The following STXBP6 variants were observed in gnomAD, a reference collection of about 807,000 sequenced individuals.
The protein encoded by STXBP6 is syntaxin binding protein 6.
STXBP6 carries 21 observed loss-of-function variants against 26.9 expected under a neutral mutation model. That is an observed-to-expected ratio of 0.78 (90% CI 0.55 to 1.12). STXBP6 has a LOEUF of 1.12. Ranked by LOEUF, STXBP6 falls within the 50% of genes most tolerant of loss-of-function variation. The pLI is 0.00. For synonymous variants in STXBP6, 97 were observed against 92.6 expected (o/e 1.05, Z -0.27); for missense variants, 232 against 257.9 (o/e 0.90, Z 0.69).
At chr14:25,008,111 C>T (rs950439368) in intron 1 of STXBP6, among the ~76,000 whole-genome samples, 4 of 152,178 alleles carry the variant, frequency 2.6e-5, no homozygotes, top group Non-Finnish European at 5.9e-5. Context: ...AACAAATTTG[C>T]CTGAGTCCCA....
chr14:25,048,683 G>C (rs1045876316), intron 1 of STXBP6, among the ~76,000 whole-genome samples: 3 of 152,160 alleles, frequency 2.0e-5, no homozygotes, highest in Non-Finnish European at 4.4e-5. Context: ...TTTCTGGACC[G>C]ATTCCCACTA....
At chr14:24,854,435 T>C (rs2139158143) in intron 4 of STXBP6, among the ~76,000 whole-genome samples, 1 of 152,184 alleles carries the variant, frequency 6.6e-6, no homozygotes, top group African/African-American at 2.4e-5. Flanking sequence ...ATCCATAATG[T>C]CACATTATTT....
chr14:24,952,770 CTT>C lies in STXBP6; in HGVS notation c.154+21893_154+21894del, dbSNP rs529707429. Among the ~76,000 whole-genome samples the C allele has an allele frequency of 2.9e-3, 440 of 152,278 alleles. 5 individuals are homozygous for C. Among genetic ancestry groups the C allele is most frequent in the African/African-American group, 0.01 (424 of 41,562 alleles). Reference sequence around the variant, plus strand: ...GGAAAAAAGGTACGTTGTTTTCCCTCTTGATTTATTTAATGCTGTCCATAAAT... The same window carrying C: ...GGAAAAAAGGTACGTTGTTTTCCCTCGATTTATTTAATGCTGTCCATAAAT... On this transcript the variant is annotated intron_variant, in intron 2 of 5. Coordinates refer to ENST00000323944, the MANE Select transcript of STXBP6 (RefSeq NM_001394410.1).
chr14:24,957,478 T>G (rs1339824724), intron 2 of STXBP6, among the ~76,000 whole-genome samples: 1 of 152,256 alleles, frequency 6.6e-6, no homozygotes, highest in East Asian at 1.9e-4. Context: ...GTTTGAGGAA[T>G]GTGCAAAGTC....
chr14:24,859,162 C>T (rs1442212384), intron 2 of STXBP6, among the ~76,000 whole-genome samples: 1 of 152,176 alleles, frequency 6.6e-6, no homozygotes, highest in African/African-American at 2.4e-5. Flanking sequence ...GGAACCCCAA[C>T]TATTATGACA....
At chr14:24,854,593 G>A (rs2069262569) in intron 4 of STXBP6, among the ~76,000 whole-genome samples, 1 of 152,064 alleles carries the variant, frequency 6.6e-6, no homozygotes, top group African/African-American at 2.4e-5. Context: ...AATGAAGAAT[G>A]AGGGAAACCT....
chr14:25,046,710 T>C (rs2075733528), intron 1 of STXBP6, among the ~76,000 whole-genome samples: 2 of 152,122 alleles, frequency 1.3e-5, no homozygotes, highest in African/African-American at 2.4e-5. Context: ...GCAGTCAAAA[T>C]TCAAGGCCAC....
chr14:24,914,607 G>T (rs559057258), intron 2 of STXBP6, among the ~76,000 whole-genome samples: 1 of 152,180 alleles, frequency 6.6e-6, no homozygotes, highest in East Asian at 1.9e-4. Context: ...GAATGCCAGG[G>T]CCGCAGCCCC....
chr14:24,903,232 T>TTTTG (rs565117535), intron 2 of STXBP6, among the ~76,000 whole-genome samples: 167 of 152,252 alleles, frequency 1.1e-3, no homozygotes, highest in African/African-American at 3.4e-3. Flanking sequence ...TTATTCTCTG[T>TTTTG]TTTGTTTGTT....
chr14:25,008,029 G>A (rs1468462469), intron 1 of STXBP6, among the ~76,000 whole-genome samples: 4 of 152,108 alleles, frequency 2.6e-5, no homozygotes, highest in Non-Finnish European at 5.9e-5. Flanking sequence ...TCCTGCAGAT[G>A]GCTCTGTCAG....
intron 2 of STXBP6, among the ~76,000 whole-genome samples, chr14:24,951,917 C>T (rs926359092): frequency 1.6e-4 from 24 of 151,740 alleles, no homozygotes; most frequent in Non-Finnish European, 3.1e-4. Context: ...TATAAATACA[C>T]ATCAGGCAAT....
At chr14:24,858,767 C>A (rs1314656594) in intron 2 of STXBP6, among the ~76,000 whole-genome samples, 4 of 151,982 alleles carry the variant, frequency 2.6e-5, no homozygotes, top group Non-Finnish European at 4.4e-5. Context: ...CCTGCTCTTA[C>A]GTTTTAATGT....
intron 1 of STXBP6, among the ~76,000 whole-genome samples, chr14:25,012,747 T>C (rs376693614): frequency 2.6e-5 from 4 of 152,276 alleles, no homozygotes; most frequent in South Asian, 2.1e-4. Flanking sequence ...GTTTTGACCT[T>C]ATGGACTCAC....
intron 2 of STXBP6, among the ~76,000 whole-genome samples, chr14:24,919,812 T>C (rs923912192): frequency 1.3e-5 from 2 of 151,940 alleles, no homozygotes; most frequent in African/African-American, 2.4e-5. Flanking sequence ...TGTGGGTGCA[T>C]GACAGGGAGG....
chr14:24,913,810 G>A (rs1176511214), intron 2 of STXBP6, among the ~76,000 whole-genome samples: 1 of 152,136 alleles, frequency 6.6e-6, no homozygotes, highest in Non-Finnish European at 1.5e-5. Flanking sequence ...TTACCACCAA[G>A]GAAGTGGAAA....
chr14:24,915,345 C>T (rs1375352734), intron 2 of STXBP6, among the ~76,000 whole-genome samples: 1 of 152,104 alleles, frequency 6.6e-6, no homozygotes, highest in Non-Finnish European at 1.5e-5. Flanking sequence ...GTTACCCAGA[C>T]ATTACACACA....
intron 1 of STXBP6, among the ~76,000 whole-genome samples, chr14:24,994,032 A>G (rs1295745891): frequency 1.3e-5 from 2 of 151,956 alleles, no homozygotes; most frequent in Non-Finnish European, 2.9e-5. Flanking sequence ...TGCTTCCACT[A>G]TTTACATTTT....
chr14:24,942,058 G>T (rs1335038379), intron 2 of STXBP6, among the ~76,000 whole-genome samples: 1 of 152,234 alleles, frequency 6.6e-6, no homozygotes, highest in African/African-American at 2.4e-5. Context: ...CGAGAAAAGA[G>T]AATGCAAATC....
intron 4 of STXBP6, among the ~76,000 whole-genome samples, chr14:24,843,107 T>C (rs577997582): frequency 1.1e-4 from 17 of 152,318 alleles, no homozygotes; most frequent in Non-Finnish European, 1.8e-4. Context: ...ATTATGGATA[T>C]GATTTCAGGG....
Sources: gnomAD v4.1 joint callset for allele counts (sites outside exome capture counted in the v4.1 genomes callset) on GRCh38, gnomAD v4.1.1 for gene constraint, MANE v1.5 for transcripts, NCBI Gene and HGNC (gene_info 2026-07-23, HGNC 2026-07-21) for gene names.